The following RBFOX1 variants were observed in gnomAD, a reference collection of about 807,000 sequenced individuals.
RBFOX1 encodes RNA binding protein fox-1 homolog 1.
A neutral mutation model predicts 57.7 loss-of-function variants in RBFOX1; 8 were observed. The observed-to-expected ratio is 0.14, with a 90% CI of 0.08 to 0.25. The LOEUF (loss-of-function observed/expected upper bound fraction) is 0.25, where lower values mean the gene tolerates loss of function less well. Among genes scored for constraint, RBFOX1 ranks in the 10% least tolerant of loss-of-function variants. RBFOX1 has a pLI of 1.00. For synonymous variants in RBFOX1, 326 were observed against 222.4 expected, an observed-to-expected ratio of 1.47 and a Z score of -4.15; for missense variants, 611 against 548.5, an observed-to-expected ratio of 1.11 and a Z score of -1.14.
rs1022881694 is a variant in RBFOX1 at position 7,712,985 on chromosome 16, A to T, written c.*2240A>T. The T allele has an allele frequency of 3.3e-5, 5 of 152,116 alleles. No individual in the cohort carries two copies. The highest frequency in any genetic ancestry group is 1.2e-4 in the African/African-American group (5 of 41,366). 9.4% of individuals were successfully genotyped at this position (152,116 alleles called of 1,614,324 possible). A position where few individuals can be genotyped will look rare whatever the true frequency, so the allele number is the denominator to read the frequency against. ...ATGTAGTTTTAATAAAATCATTTAGAGTGAGTGAGTGCCAACCGATGTTGC... is the reference window on the plus strand; with the variant it reads ...ATGTAGTTTTAATAAAATCATTTAGTGTGAGTGAGTGCCAACCGATGTTGC... On this transcript the variant is annotated 3_prime_UTR_variant, in exon 16 of 16. Coordinates refer to ENST00000550418, the MANE Select transcript of RBFOX1 (RefSeq NM_018723.4).
intron 3 of RBFOX1, among the ~76,000 whole-genome samples, chr16:6,852,079 C>G (rs190594266): frequency 1.1e-4 from 17 of 152,148 alleles, no homozygotes; most frequent in Admixed American, 1.1e-3. Flanking sequence ...GCACCTGCCA[C>G]CACGTAACTA....
chr16:6,431,457 G>A (rs2795546), intron 2 of RBFOX1, among the ~76,000 whole-genome samples: 59,688 of 151,814 alleles, frequency 0.39, 15,006 homozygotes, highest in African/African-American at 0.71. Context: ...CCCAGGAAGC[G>A]TCACGTGGTA....
intron 3 of RBFOX1, among the ~76,000 whole-genome samples, chr16:6,775,091 C>T (rs560276610): frequency 3.3e-5 from 5 of 150,652 alleles, no homozygotes; most frequent in South Asian, 2.1e-4. Flanking sequence ...TTTGGGAGGC[C>T]AGGTCTGGCG....
intron 3 of RBFOX1, among the ~76,000 whole-genome samples, chr16:6,820,373 G>A (rs954158747): frequency 6.6e-6 from 1 of 152,266 alleles, no homozygotes; most frequent in Admixed American, 6.5e-5. Flanking sequence ...TCAGGTAACT[G>A]TGATAGGCCC....
At chr16:6,228,690 A>G (rs556450438) in intron 1 of RBFOX1, among the ~76,000 whole-genome samples, 1 of 152,150 alleles carries the variant, frequency 6.6e-6, no homozygotes, top group Non-Finnish European at 1.5e-5. Flanking sequence ...GTCGGGTACA[A>G]AATTTCAGGT....
chr16:7,222,657 C>T (rs940133299), intron 4 of RBFOX1, among the ~76,000 whole-genome samples: 3 of 152,196 alleles, frequency 2.0e-5, no homozygotes, highest in Admixed American at 1.3e-4. Context: ...AGCCCCCTTA[C>T]CTCTTTGTTC....
intron 3 of RBFOX1, among the ~76,000 whole-genome samples, chr16:6,855,280 C>T (rs976509498): frequency 6.6e-6 from 1 of 152,022 alleles, no homozygotes; most frequent in African/African-American, 2.4e-5. Flanking sequence ...GGGCAGTCAG[C>T]ATTCTAGTAT....
At chr16:7,662,414 T>A (rs740676) in intron 12 of RBFOX1, among the ~76,000 whole-genome samples, 1 of 151,966 alleles carries the variant, frequency 6.6e-6, no homozygotes, top group South Asian at 2.1e-4. Flanking sequence ...CGACCCATTA[T>A]TGAATTCTAC....
chr16:6,935,708 G>T (rs1012276391), intron 3 of RBFOX1, among the ~76,000 whole-genome samples: 13 of 152,192 alleles, frequency 8.5e-5, no homozygotes, highest in African/African-American at 3.1e-4. Context: ...TTGAGAATCA[G>T]TGTGGCAGCT....
At chr16:7,159,440 G>T (rs906849101) in intron 4 of RBFOX1, among the ~76,000 whole-genome samples, 1 of 152,132 alleles carries the variant, frequency 6.6e-6, no homozygotes, top group Non-Finnish European at 1.5e-5. Flanking sequence ...TCACTCTAGA[G>T]ATCAGTATCC....
At chr16:5,670,532 AT>A (rs1207198614) in intron 3 of RBFOX1, among the ~76,000 whole-genome samples, 1 of 152,138 alleles carries the variant, frequency 6.6e-6, no homozygotes, top group Non-Finnish European at 1.5e-5. Flanking sequence ...ACAAGCCCTG[AT>A]TTTCATTTCC....
At chr16:5,258,951 A>G (rs932613175) in intron 1 of RBFOX1, among the ~76,000 whole-genome samples, 9 of 151,716 alleles carry the variant, frequency 5.9e-5, no homozygotes, top group African/African-American at 2.2e-4. Context: ...GTCTTATAAT[A>G]AAAGCACACT....
intron 1 of RBFOX1, among the ~76,000 whole-genome samples, chr16:6,174,113 T>C (rs1313169601): frequency 6.6e-6 from 1 of 152,194 alleles, no homozygotes; most frequent in Non-Finnish European, 1.5e-5. Context: ...AACAGGTTAC[T>C]GGAGCTGTCT....
At chr16:6,070,651 A>T (rs75469643) in intron 1 of RBFOX1, among the ~76,000 whole-genome samples, 2 of 149,592 alleles carry the variant, frequency 1.3e-5, no homozygotes, top group African/African-American at 5.0e-5. Flanking sequence ...CTGAGTAATC[A>T]AAGTTTAGCT....
chr16:7,310,872 C>CCCCT (rs1197094696), intron 4 of RBFOX1, among the ~76,000 whole-genome samples: 1 of 152,200 alleles, frequency 6.6e-6, no homozygotes, highest in East Asian at 1.9e-4. Context: ...AAAGCAAAGG[C>CCCCT]CCCTGTCCTC....
chr16:7,349,013 G>A (rs1034178146), intron 4 of RBFOX1, among the ~76,000 whole-genome samples: 1 of 152,134 alleles, frequency 6.6e-6, no homozygotes, highest in Non-Finnish European at 1.5e-5. Context: ...GGAGGCTTCT[G>A]CTTTCAGATT....
At chr16:7,284,668 G>T (rs1267963828) in intron 4 of RBFOX1, among the ~76,000 whole-genome samples, 1 of 152,182 alleles carries the variant, frequency 6.6e-6, no homozygotes, top group Non-Finnish European at 1.5e-5. Context: ...AAGAGAGGCA[G>T]AGGACAGAGT....
At chr16:7,343,102 T>A (rs2096928984) in intron 4 of RBFOX1, among the ~76,000 whole-genome samples, 1 of 152,026 alleles carries the variant, frequency 6.6e-6, no homozygotes, top group East Asian at 1.9e-4. Flanking sequence ...GACAGACTCT[T>A]TAGGACCACC....
chr16:5,715,572 A>T (rs1054197658), intron 3 of RBFOX1, among the ~76,000 whole-genome samples: 6 of 152,258 alleles, frequency 3.9e-5, no homozygotes. Flanking sequence ...GTGCTCAGGT[A>T]TTGGGACATA....
Sources: gnomAD v4.1 joint callset for allele counts (sites outside exome capture counted in the v4.1 genomes callset) on GRCh38, gnomAD v4.1.1 for gene constraint, MANE v1.5 for transcripts, NCBI Gene and HGNC (gene_info 2026-07-23, HGNC 2026-07-21) for gene names.